Variants in AUTS2 observed in about 807,000 individuals in gnomAD.
AUTS2 encodes the protein activator of transcription and developmental regulator AUTS2.
AUTS2 carries 17 observed loss-of-function variants against 112.4 expected under a neutral mutation model. The ratio of observed to expected loss-of-function variants is 0.15; its 90% confidence interval spans 0.10 to 0.23. The LOEUF is 0.23. AUTS2 is among the 10% of genes least tolerant of loss of function. The pLI is 1.00. For synonymous variants in AUTS2, 751 were observed against 702.7 expected (o/e 1.07, Z -1.09); for missense variants, 1,510 against 1,701.6 (o/e 0.89, Z 1.98).
chr7:70,343,913 A>G (rs1056476251), intron 4 of AUTS2, among the ~76,000 whole-genome samples: 4 of 152,126 alleles, frequency 2.6e-5, no homozygotes, highest in Non-Finnish European at 5.9e-5. Flanking sequence ...AGGCAGCCCT[A>G]CCTCAGGTCC....
At chr7:70,090,164 G>GT (rs888718506) in intron 2 of AUTS2, among the ~76,000 whole-genome samples, 1 of 151,584 alleles carries the variant, frequency 6.6e-6, no homozygotes. Flanking sequence ...TGGTTTTGGG[G>GT]TTATACCATA....
chr7:70,528,155 G>T (rs551376644), intron 5 of AUTS2, among the ~76,000 whole-genome samples: 108 of 142,170 alleles, frequency 7.6e-4, no homozygotes, highest in Non-Finnish European at 1.4e-3. Context: ...ATAGGGATAA[G>T]GTAATAAGAT....
chr7:69,869,529 T>TAC (rs765163471), intron 1 of AUTS2, among the ~76,000 whole-genome samples: 2 of 149,506 alleles, frequency 1.3e-5, no homozygotes, highest in African/African-American at 4.9e-5. Context: ...TCAAGGATCA[T>TAC]ATATATATAT....
chr7:70,636,761 C>T (rs1344370959), intron 5 of AUTS2, among the ~76,000 whole-genome samples: 2 of 151,838 alleles, frequency 1.3e-5, no homozygotes, highest in African/African-American at 4.8e-5. Flanking sequence ...ATCCTCCCAC[C>T]TCAGCCTCCC....
At chr7:69,732,715 A>G (rs878952796) in intron 1 of AUTS2, among the ~76,000 whole-genome samples, 2 of 152,238 alleles carry the variant, frequency 1.3e-5, no homozygotes, top group Non-Finnish European at 2.9e-5. Context: ...AAAAGCATTT[A>G]ATAAAAAAAT....
intron 1 of AUTS2, among the ~76,000 whole-genome samples, chr7:69,725,987 T>C (rs1378978912): frequency 6.6e-6 from 1 of 152,184 alleles, no homozygotes; most frequent in Non-Finnish European, 1.5e-5. Flanking sequence ...TTTTCCCCTC[T>C]AATGCAGTGC....
intron 1 of AUTS2, among the ~76,000 whole-genome samples, chr7:69,694,544 T>A (rs1797474593): frequency 6.6e-6 from 1 of 152,024 alleles, no homozygotes. Flanking sequence ...TTTGGGAGGC[T>A]GAGATGGGCA....
intron 5 of AUTS2, among the ~76,000 whole-genome samples, chr7:70,691,942 G>C (rs555776145): frequency 6.6e-6 from 1 of 150,496 alleles, no homozygotes; most frequent in African/African-American, 2.5e-5. Flanking sequence ...GTGGCATGGC[G>C]TGATCTCGGC....
intron 5 of AUTS2, among the ~76,000 whole-genome samples, chr7:70,546,317 G>A (rs1304281618): frequency 2.6e-5 from 4 of 152,078 alleles, no homozygotes; most frequent in South Asian, 4.2e-4. Context: ...AGTGGCTCAC[G>A]CCTGTAATCC....
intron 5 of AUTS2, among the ~76,000 whole-genome samples, chr7:70,471,799 T>G (rs892830523): frequency 2.0e-5 from 3 of 152,000 alleles, no homozygotes; most frequent in African/African-American, 7.2e-5. Flanking sequence ...GAGATGTGGA[T>G]CCGGTGGGTG....
intron 2 of AUTS2, among the ~76,000 whole-genome samples, chr7:69,978,886 ACACACACACACACACG>A (rs1449132965): frequency 2.0e-5 from 3 of 148,610 alleles, no homozygotes; most frequent in African/African-American, 4.9e-5. Flanking sequence ...ACACACACAC[ACACACACACACACACG>A]CACACACGCA....
intron 4 of AUTS2, among the ~76,000 whole-genome samples, chr7:70,147,569 A>G (rs147162341): frequency 6.6e-6 from 1 of 152,266 alleles, no homozygotes; most frequent in African/African-American, 2.4e-5. Context: ...GACGATGCCT[A>G]GTGTTTCCTT....
intron 1 of AUTS2, among the ~76,000 whole-genome samples, chr7:69,852,451 C>T (rs956355932): frequency 7.3e-5 from 11 of 149,696 alleles, no homozygotes; most frequent in African/African-American, 1.2e-4. Flanking sequence ...TCTTTTTTTT[C>T]GAGACAGAAT....
At chr7:70,346,730 C>T (rs568638295) in intron 4 of AUTS2, among the ~76,000 whole-genome samples, 2 of 152,260 alleles carry the variant, frequency 1.3e-5, no homozygotes, top group African/African-American at 4.8e-5. Flanking sequence ...TTTTTATAAT[C>T]ACCGAACTTT....
At chr7:70,105,843 C>T (rs1295892326) in intron 2 of AUTS2, among the ~76,000 whole-genome samples, 2 of 152,092 alleles carry the variant, frequency 1.3e-5, no homozygotes, top group Non-Finnish European at 1.5e-5. Flanking sequence ...TGCATGAGAT[C>T]CCAATTTATG....
intron 4 of AUTS2, among the ~76,000 whole-genome samples, chr7:70,387,577 A>G (rs1378784206): frequency 6.6e-6 from 1 of 152,138 alleles, no homozygotes; most frequent in Non-Finnish European, 1.5e-5. Context: ...CTTTAGACTC[A>G]TTGCTCAAAA....
At chr7:69,824,152 G>T (rs1263534293) in intron 1 of AUTS2, among the ~76,000 whole-genome samples, 2 of 151,928 alleles carry the variant, frequency 1.3e-5, no homozygotes, top group African/African-American at 2.4e-5. Flanking sequence ...GGTGGCTCAC[G>T]TCTGTAATCC....
At chr7:70,050,683 CATCCCT>C (rs1306324523) in intron 2 of AUTS2, among the ~76,000 whole-genome samples, 1 of 151,928 alleles carries the variant, frequency 6.6e-6, no homozygotes, top group East Asian at 1.9e-4. Context: ...TTCTTTTTGC[CATCCCT>C]ATCTACATTA....
chr7:70,242,646 C>A (rs1188502316), intron 4 of AUTS2, among the ~76,000 whole-genome samples: 1 of 152,082 alleles, frequency 6.6e-6, no homozygotes, highest in African/African-American at 2.4e-5. Context: ...TATTATCATG[C>A]CCCTTCTGAG....
Sources: allele counts gnomAD v4.1 joint callset (sites outside exome capture counted in the v4.1 genomes callset), GRCh38; gene constraint gnomAD v4.1.1; transcripts MANE v1.5; gene names NCBI Gene and HGNC (gene_info 2026-07-23, HGNC 2026-07-21).